The following DTX4 variants were observed in gnomAD, a reference collection of about 807,000 sequenced individuals.
DTX4 encodes deltex E3 ubiquitin ligase 4, also known as E3 ubiquitin-protein ligase DTX4.
DTX4 carries 28 observed loss-of-function variants against 57.6 expected under a neutral mutation model. The ratio of observed to expected loss-of-function variants is 0.49; its 90% CI spans 0.36 to 0.67. The LOEUF (loss-of-function observed/expected upper bound fraction) is 0.67, where lower values mean the gene tolerates loss of function less well. DTX4 is among the 30% of genes least tolerant of loss of function. The probability of loss-of-function intolerance (pLI) is 0.00; values close to 1 mark genes in which losing one functional copy is unlikely to be tolerated. For synonymous variants in DTX4, 316 were observed against 331.0 expected (o/e 0.95, Z 0.49); for missense variants, 715 against 836.8 (o/e 0.85, Z 1.80).
Position 59,207,465 on chromosome 11 carries a change from G to A in DTX4, c.*2556G>A, listed in dbSNP as rs1397510819. The A allele has an allele frequency of 6.6e-6, 1 of 152,512 alleles. No homozygotes were observed. The highest frequency in any genetic ancestry group is 1.5e-5 in the Non-Finnish European group (1 of 68,182). The allele number at this position is 152,512 out of a possible 1,614,324, so 9.4% of individuals were successfully genotyped here. On this transcript the variant is annotated 3_prime_UTR_variant, in exon 9 of 9. Coordinates refer to ENST00000227451, the MANE Select transcript of DTX4 (RefSeq NM_015177.2). Reference sequence around the variant, plus strand: ...GCTACCTCATCCTCGTGCTGTTCTTGTGTGGCTTTCTGGGCAGTAGGGATC... The same window carrying A: ...GCTACCTCATCCTCGTGCTGTTCTTATGTGGCTTTCTGGGCAGTAGGGATC...
intron 7 of DTX4, among the ~76,000 whole-genome samples, chr11:59,197,747 C>T (rs1374368015): frequency 6.6e-6 from 1 of 152,166 alleles, no homozygotes; most frequent in Non-Finnish European, 1.5e-5. Context: ...TCAGGTGAGA[C>T]TTCTGGAGTG....
At chr11:59,198,490 C>T (rs1297270843) in intron 7 of DTX4, among the ~76,000 whole-genome samples, 1 of 152,074 alleles carries the variant, frequency 6.6e-6, no homozygotes, top group Non-Finnish European at 1.5e-5. Context: ...TCTCTGAGAC[C>T]CCATTGCATT....
chr11:59,182,585 C>A, intron 2 of DTX4, 123 bp downstream of exon 2: 2 of 1,345,696 alleles, frequency 1.5e-6, no homozygotes, highest in Non-Finnish European at 2.0e-6. Context: ...TGACCCCTGG[C>A]TGCAGGTGAA....
intron 2 of DTX4, among the ~76,000 whole-genome samples, chr11:59,184,720 G>A (rs1862506784): frequency 6.6e-6 from 1 of 152,196 alleles, no homozygotes; most frequent in Non-Finnish European, 1.5e-5. Context: ...TAGAGAATGG[G>A]TGGAGGTCTG....
At chr11:59,175,158 C>A (rs1862379836) in intron 1 of DTX4, among the ~76,000 whole-genome samples, 1 of 152,206 alleles carries the variant, frequency 6.6e-6, no homozygotes, top group Admixed American at 6.5e-5. Context: ...GGCTCCCAGG[C>A]AACCTCAGCT....
chr11:59,201,855 G>C (rs1862744410), intron 8 of DTX4, among the ~76,000 whole-genome samples: 1 of 152,126 alleles, frequency 6.6e-6, no homozygotes, highest in South Asian at 2.1e-4. Flanking sequence ...TTTTCTTCCA[G>C]GCCTCCCTCT....
chr11:59,199,768 A>G lies in DTX4; in HGVS notation c.1621A>G (p.Arg541Gly). ...HCYLPDSEKG[R>G]KVLKLLLVAW... ...TTACCTTCCGGACAGCGAGAAAGGG[A>G]GAAAAGTAAGACCGGAAGTTTCCAC... is the stretch of plus-strand genomic sequence containing the variant. Residue 541 changes from arginine (R) to glycine (G), a missense_variant, in exon 8 of 9, where the codon AGA becomes GGA. Transcript: ENST00000227451. 1.9e-6 allele frequency: 3 copies of G among 1,559,762 alleles called. No homozygotes were observed. Among genetic ancestry groups the G allele is most frequent in the Non-Finnish European group, 2.6e-6 (3 of 1,151,494 alleles).
intron 2 of DTX4, among the ~76,000 whole-genome samples, chr11:59,184,091 C>G (rs547592977): frequency 1.3e-5 from 2 of 152,354 alleles, no homozygotes; most frequent in East Asian, 3.9e-4. Flanking sequence ...ATGAGATTTT[C>G]ATGACTTCCC....
At chr11:59,188,582 T>A (rs1413279262) in intron 2 of DTX4, among the ~76,000 whole-genome samples, 153 bp from the exon 3 acceptor site, 1 of 152,214 alleles carries the variant, frequency 6.6e-6, no homozygotes, top group African/African-American at 2.4e-5. Flanking sequence ...AGGTTCTGAG[T>A]GGTGGCATGA....
chr11:59,195,003 C>T, intron 6 of DTX4: 1 of 609,448 alleles, frequency 1.6e-6, no homozygotes, highest in Non-Finnish European at 2.9e-6. Context: ...AGCATGGGAC[C>T]AGTTGTGGAA....
chr11:59,178,468 C>T (rs1862421742), intron 1 of DTX4, among the ~76,000 whole-genome samples: 1 of 152,180 alleles, frequency 6.6e-6, no homozygotes, highest in African/African-American at 2.4e-5. Context: ...ATGCTTGAAT[C>T]TGCATTCCCC....
chr11:59,198,211 A>G (rs1187412676), intron 7 of DTX4, among the ~76,000 whole-genome samples: 6 of 152,208 alleles, frequency 3.9e-5, no homozygotes, highest in Non-Finnish European at 5.9e-5. Context: ...CCACTTAGCA[A>G]CGAGCTGGGA....
chr11:59,174,944 C>T (rs747636539), intron 1 of DTX4, among the ~76,000 whole-genome samples: 1 of 152,206 alleles, frequency 6.6e-6, no homozygotes, highest in Non-Finnish European at 1.5e-5. Context: ...CTCTGCTGTG[C>T]GCCAGGCCCT....
rs1590975767 is a variant in DTX4 at position 59,172,208 on chromosome 11, G to A, written c.-388G>A. Among the ~76,000 whole-genome samples, 1 of 152,218 alleles carries A rather than the reference G, an allele frequency of 6.6e-6. No individual in the cohort carries two copies. On this transcript the variant is annotated 5_prime_UTR_variant, in exon 1 of 9. Transcript: ENST00000227451. ...GAGGCGCAACTGGTGCGAGGGCTGG[G>A]TCCTTGCCTCGCCGTCAGCCCCAGC...
At chr11:59,203,549 C>G (rs1339540867) in intron 8 of DTX4, among the ~76,000 whole-genome samples, 1 of 146,042 alleles carries the variant, frequency 6.8e-6, no homozygotes, top group Admixed American at 7.2e-5. Flanking sequence ...GAACTGTCAT[C>G]TCTTATGATA....
At chr11:59,196,946 T>TC (rs1034277538) in intron 7 of DTX4, among the ~76,000 whole-genome samples, 4 of 151,964 alleles carry the variant, frequency 2.6e-5, no homozygotes, top group African/African-American at 9.7e-5. Context: ...CCCAAAACCA[T>TC]CCCCCACCAC....
chr11:59,189,376 C>T (rs1862568911), intron 4 of DTX4, 53 bp downstream of exon 4: 7 of 1,472,996 alleles, frequency 4.8e-6, no homozygotes, highest in Non-Finnish European at 6.3e-6. Flanking sequence ...TGGCTGTCAG[C>T]CCTGAGTCTG....
rs942758193 is a variant in DTX4, at chr11:59,191,169, A to G, written c.1215A>G (p.Pro405=). Residue 405 remains proline, a synonymous_variant, in exon 5 of 9, where the codon CCA becomes CCG. Transcript: ENST00000227451. The part of the protein sequence containing the change: ...KKYLQKVRHP[P]DEDCTICMER... ...ATCTACAGAAAGTCCGGCACCCACC[A>G]GATGAGGTGAGTTCAGGGTTAGAAG... 10 of 1,570,128 alleles carry G rather than the reference A, an allele frequency of 6.4e-6. No homozygotes were observed. The African/African-American group carries it at 6.8e-5, about 11-fold the overall frequency.
At chr11:59,181,388 G>A (rs985989229) in intron 1 of DTX4, among the ~76,000 whole-genome samples, 1 of 152,190 alleles carries the variant, frequency 6.6e-6, no homozygotes, top group African/African-American at 2.4e-5. Flanking sequence ...TTCCCAGGAG[G>A]GAAAGGGAGG....
Sources: gnomAD v4.1 joint callset for allele counts (sites outside exome capture counted in the v4.1 genomes callset) on GRCh38, gnomAD v4.1.1 for gene constraint, MANE v1.5 for transcripts, NCBI Gene and HGNC (gene_info 2026-07-23, HGNC 2026-07-21) for gene names.